The following MBTPS1 variants were observed in gnomAD, a reference collection of about 807,000 sequenced individuals.
MBTPS1 encodes the protein membrane bound transcription factor peptidase, site 1.
A neutral mutation model predicts 127.8 loss-of-function variants in MBTPS1; 94 were observed. The observed-to-expected ratio is 0.74, with a 90% CI of 0.62 to 0.87. The LOEUF (loss-of-function observed/expected upper bound fraction) is 0.87. MBTPS1 is among the 40% of genes least tolerant of loss of function. MBTPS1 has a pLI of 0.00. For missense variants in MBTPS1, 1,636 were observed against 1,353.2 expected (o/e 1.21, Z -3.28); for synonymous variants, 632 against 509.4 (o/e 1.24, Z -3.24).
intron 1 of MBTPS1, among the ~76,000 whole-genome samples, chr16:84,113,338 C>A (rs187826483): frequency 6.6e-6 from 1 of 152,112 alleles, no homozygotes; most frequent in African/African-American, 2.4e-5. Context: ...AAAGGCATAA[C>A]GTTCAAAGAT....
At chr16:84,062,198 G>A (rs1329755490) in intron 19 of MBTPS1, among the ~76,000 whole-genome samples, 4 of 152,112 alleles carry the variant, frequency 2.6e-5, no homozygotes, top group Non-Finnish European at 5.9e-5. Context: ...TCGGCTCACT[G>A]CAACCTCTGC....
intron 2 of MBTPS1, 40 bp from the exon 3 acceptor site, chr16:84,099,350 C>T (rs2086223204): frequency 1.2e-5 from 19 of 1,598,282 alleles, no homozygotes; most frequent in Admixed American, 1.7e-5. Context: ...GATTTACGCA[C>T]ATACATTATA....
intron 3 of MBTPS1, among the ~76,000 whole-genome samples, 179 bp downstream of exon 3, chr16:84,098,874 C>G (rs2086215174): frequency 1.3e-5 from 2 of 152,058 alleles, no homozygotes; most frequent in Admixed American, 1.3e-4. Flanking sequence ...GCCCCCCCAA[C>G]ACCGACCCTG....
Position 84,063,404 on chromosome 16 carries a change from C to T in MBTPS1, c.2473G>A (p.Val825Ile), listed in dbSNP as rs763878760. ...LKQETAVVEN[V>I]PILGLYQIPA... is the part of the protein sequence containing the mutation. ...ATCTGATAAAGTCCCAAAATGGGGA[C>T]GTTTTCAACAACTGCTGTTTCCTGC... The change falls in exon 19 of 23, where the codon GTC (valine) becomes ATC (isoleucine). Residue 825 changes from valine (V) to isoleucine (I), a missense_variant. Physicochemically the swap from Val to Ile is conservative, Grantham distance 29. Coordinates refer to ENST00000343411, the MANE Select transcript of MBTPS1 (RefSeq NM_003791.4). 21 of 1,613,954 alleles carry T rather than the reference C, an allele frequency of 1.3e-5. No individual in the cohort carries two copies. The Admixed American group carries it at 3.2e-4, about 24-fold the overall frequency.
chr16:84,068,508 G>C, intron 14 of MBTPS1, 54 bp from the exon 15 acceptor site: 1 of 1,274,070 alleles, frequency 7.8e-7, no homozygotes. Flanking sequence ...TGGCAATAAA[G>C]GCATATCTGG....
chr16:84,054,711 T>C lies in MBTPS1; in HGVS notation c.2963-66A>G, dbSNP rs996328763. ...GAGCTACCATGACGGCCTTTTTCTA[T>C]GACGGCTGGATTCATCAGAAACTAA... On this transcript the variant is annotated intron_variant, in intron 22 of 22. Transcript: ENST00000343411. The C allele has an allele frequency of 6.2e-6, 8 of 1,280,744 alleles. No individual in the cohort carries two copies. The African/African-American group carries it at 7.5e-5, about 12-fold the overall frequency. The allele number at this position is 1,280,744 out of a possible 1,614,324, so 79.3% of individuals were successfully genotyped here. A position where few individuals can be genotyped will look rare whatever the true frequency, so the allele number is the denominator to read the frequency against.
chr16:84,084,893 G>T, intron 10 of MBTPS1, 90 bp downstream of exon 10: 2 of 1,417,496 alleles, frequency 1.4e-6, no homozygotes, highest in South Asian at 1.3e-5. Flanking sequence ...CCCAAGACAG[G>T]GCAGAAGCAA....
At position 84,087,461 on chromosome 16, in the gene MBTPS1, C is replaced by CT. The variant is rs768750807; in HGVS notation, c.1032-2dup. On this transcript the variant is annotated splice_acceptor_variant, in intron 8 of 22. Transcript: ENST00000343411. LOFTEE classifies it high-confidence loss of function. ...TTGATCAGCAGGGTTATTCAGAGTG[C>CT]TATATTGAGACCAAAAAAAAAAAAA... The CT allele has an allele frequency of 7.0e-7, 1 of 1,421,094 alleles. No individual in the cohort carries two copies. The highest frequency in any genetic ancestry group is 2.3e-5 in the East Asian group (1 of 43,672). 88.0% of individuals were successfully genotyped at this position (1,421,094 alleles called of 1,614,324 possible). A position where few individuals can be genotyped will look rare whatever the true frequency, so the allele number is the denominator to read the frequency against.
At chr16:84,089,861 T>C (rs2086079475) in intron 8 of MBTPS1, among the ~76,000 whole-genome samples, 1 of 152,136 alleles carries the variant, frequency 6.6e-6, no homozygotes, top group South Asian at 2.1e-4. Context: ...ACATCAGAAA[T>C]GGGAGGAACA....
At chr16:84,095,903 T>G in intron 3 of MBTPS1, 98 bp from the exon 4 acceptor site, 1 of 932,142 alleles carries the variant, frequency 1.1e-6, no homozygotes, top group South Asian at 1.5e-5. Flanking sequence ...GGATTACCAT[T>G]TGCCACTCTG....
intron 3 of MBTPS1, among the ~76,000 whole-genome samples, chr16:84,098,456 C>G (rs1040659233): frequency 6.6e-6 from 1 of 151,928 alleles, no homozygotes; most frequent in Non-Finnish European, 1.5e-5. Context: ...ACTAAAAATA[C>G]AAAATTAGCC....
Position 84,059,311 on chromosome 16 carries a change from G to T in MBTPS1, c.2822C>A (p.Thr941Lys), listed in dbSNP as rs139138066. 1 of 1,613,496 alleles carries T rather than the reference G, an allele frequency of 6.2e-7. No individual in the cohort carries two copies. Among genetic ancestry groups the T allele is most frequent in the South Asian group, 1.1e-5 (1 of 91,064 alleles). ...ACAGGCGGACACTAACCTGGGCGCC[G>T]TCTCGTTTAAAGGCTGTGGCTTGGC... Reference protein sequence around the residue: ...SWAKPQPLNETAPSNLWKHQK... With the variant: ...SWAKPQPLNEKAPSNLWKHQK... Residue 941 changes from threonine (T) to lysine (K), a missense_variant, in exon 21 of 23, where the codon ACG becomes AAG. Physicochemically the swap from Thr to Lys is moderately conservative, Grantham distance 78 (BLOSUM62 -1). Coordinates refer to ENST00000343411, the MANE Select transcript of MBTPS1 (RefSeq NM_003791.4).
intron 1 of MBTPS1, among the ~76,000 whole-genome samples, chr16:84,115,366 T>C (rs888974372): frequency 1.3e-5 from 2 of 152,174 alleles, no homozygotes; most frequent in Non-Finnish European, 2.9e-5. Context: ...ACGGGGTGCC[T>C]GGGGAGTGCA....
rs540252665 is a variant in MBTPS1 at position 84,113,118 on chromosome 16, G to A, written c.-325+3617C>T. ...CTATCTCCTACAAATTGTTCTCAAAGATCTGTCTACAGCTACTTGCCAGCC... is the reference window on the plus strand; with the variant it reads ...CTATCTCCTACAAATTGTTCTCAAAAATCTGTCTACAGCTACTTGCCAGCC... On this transcript the variant is annotated intron_variant, in intron 1 of 22. Transcript: ENST00000343411. Among the ~76,000 whole-genome samples the A allele has an allele frequency of 9.2e-5, 14 of 151,986 alleles. No homozygotes were observed. The South Asian group carries it at 2.5e-3, about 27-fold the overall frequency.
At position 84,054,536 on chromosome 16, in the gene MBTPS1, G is replaced by A. The variant is rs754581363; in HGVS notation, c.3072C>T (p.Ala1024=). The A allele has an allele frequency of 1.9e-6, 3 of 1,613,944 alleles. No homozygotes were observed. The highest frequency in any genetic ancestry group is 2.5e-6 in the Non-Finnish European group (3 of 1,179,934). ...GCTTCCTCCGCTTCGGCCTGCTCTTGGCCTTGTTGATTTGTACCACAAAGA... is the reference window on the plus strand; with the variant it reads ...GCTTCCTCCGCTTCGGCCTGCTCTTAGCCTTGTTGATTTGTACCACAAAGA... ...LAFFVVQINK[A]KSRPKRRKPR... Residue 1024 remains alanine, a synonymous_variant, in exon 23 of 23, where the codon GCC becomes GCT. Coordinates refer to ENST00000343411, the MANE Select transcript of MBTPS1 (RefSeq NM_003791.4).
At chr16:84,111,781 G>A (rs2136664) in intron 1 of MBTPS1, among the ~76,000 whole-genome samples, 50,316 of 151,844 alleles carry the variant, frequency 0.33, 8,813 homozygotes, top group East Asian at 0.62. Flanking sequence ...CTAGGCCACT[G>A]TTTGTGGTCA....
chr16:84,095,607 T>C lies in MBTPS1; in HGVS notation c.620A>G (p.Tyr207Cys), dbSNP rs201670537. The C allele has an allele frequency of 1.2e-6, 2 of 1,614,182 alleles. No individual in the cohort carries two copies. Among genetic ancestry groups the C allele is most frequent in the South Asian group, 1.1e-5 (1 of 91,084 alleles). Reference sequence around the variant, plus strand: ...CCCTGGGTAATAGCACACACCTGTATATCCCATCTGCCAGAGCACATCTGC... The same window carrying C: ...CCCTGGGTAATAGCACACACCTGTACATCCCATCTGCCAGAGCACATCTGC... ...LQADVLWQMG[Y>C]TGANVRVAVF... Residue 207 changes from tyrosine (Y) to cysteine (C), a missense_variant, in exon 4 of 23, where the codon TAT (tyrosine) becomes TGT (cysteine). Physicochemically the swap from Tyr to Cys is radical, Grantham distance 194. Transcript: ENST00000343411.
chr16:84,084,750 C>T (rs1455580171), intron 10 of MBTPS1, among the ~76,000 whole-genome samples: 3 of 152,206 alleles, frequency 2.0e-5, no homozygotes, highest in Non-Finnish European at 2.9e-5. Context: ...TGCCTATCAG[C>T]ACTTTGTTTA....
At chr16:84,115,963 G>C (rs941679000) in intron 1 of MBTPS1, among the ~76,000 whole-genome samples, 2 of 151,758 alleles carry the variant, frequency 1.3e-5, no homozygotes, top group Admixed American at 1.3e-4. Context: ...AAAAATGAGA[G>C]GAATTACTTC....
Sources: gnomAD v4.1 joint callset for allele counts (sites outside exome capture counted in the v4.1 genomes callset) on GRCh38, gnomAD v4.1.1 for gene constraint, MANE v1.5 for transcripts, NCBI Gene and HGNC (gene_info 2026-07-23, HGNC 2026-07-21) for gene names.